Variants in CCSER1 observed in about 807,000 individuals in gnomAD.
CCSER1 encodes the protein serine-rich coiled-coil domain-containing protein 1.
CCSER1 carries 41 observed loss-of-function variants against 82.0 expected under a neutral mutation model. The observed-to-expected ratio is 0.50, with a 90% CI of 0.39 to 0.65. The LOEUF is 0.65. Among genes scored for constraint, CCSER1 ranks in the 30% least tolerant of loss-of-function variants. The probability of loss-of-function intolerance (pLI) is 0.00; values close to 1 mark genes in which losing one functional copy is unlikely to be tolerated. For missense variants in CCSER1, 1,119 were observed against 1,064.2 expected, an observed-to-expected ratio of 1.05 and a Z score of -0.72; for synonymous variants, 414 against 383.9, an observed-to-expected ratio of 1.08 and a Z score of -0.92.
intron 4 of CCSER1, among the ~76,000 whole-genome samples, chr4:90,439,492 C>G (rs976286428): frequency 6.6e-6 from 1 of 152,014 alleles, no homozygotes; most frequent in African/African-American, 2.4e-5. Flanking sequence ...CTAATATATC[C>G]CTACCCTAAT....
At chr4:90,845,812 A>AG (rs1763170278) in intron 8 of CCSER1, among the ~76,000 whole-genome samples, 1 of 151,894 alleles carries the variant, frequency 6.6e-6, no homozygotes, top group Non-Finnish European at 1.5e-5. Context: ...ACTGTGAAAA[A>AG]AAAAAAAACC....
intron 10 of CCSER1, among the ~76,000 whole-genome samples, chr4:91,198,185 CTTTCT>C (rs1735606887): frequency 6.6e-6 from 1 of 151,834 alleles, no homozygotes; most frequent in African/African-American, 2.4e-5. Flanking sequence ...CATTACTTTC[CTTTCT>C]TAAGCAGAGA....
At chr4:91,334,556 TCA>T (rs1025160362) in intron 10 of CCSER1, among the ~76,000 whole-genome samples, 14 of 151,688 alleles carry the variant, frequency 9.2e-5, no homozygotes, top group African/African-American at 3.4e-4. Context: ...ACACATTCAC[TCA>T]CACACACAGA....
At chr4:90,483,810 T>C (rs929631881) in intron 5 of CCSER1, among the ~76,000 whole-genome samples, 8 of 152,210 alleles carry the variant, frequency 5.3e-5, no homozygotes, top group African/African-American at 1.7e-4. Context: ...TTAACATTTT[T>C]TCCTTCATTT....
At chr4:90,952,538 A>G (rs1267008867) in intron 9 of CCSER1, among the ~76,000 whole-genome samples, 3 of 152,130 alleles carry the variant, frequency 2.0e-5, no homozygotes, top group Non-Finnish European at 4.4e-5. Context: ...GATTGATAAC[A>G]TAAAAATATT....
chr4:91,481,502 C>T (rs949890962), intron 10 of CCSER1, among the ~76,000 whole-genome samples: 2 of 152,108 alleles, frequency 1.3e-5, no homozygotes, highest in African/African-American at 4.8e-5. Flanking sequence ...CTTAAAGGCC[C>T]TATCTCCAAA....
At chr4:91,109,103 C>T (rs1725876775) in intron 10 of CCSER1, among the ~76,000 whole-genome samples, 1 of 152,142 alleles carries the variant, frequency 6.6e-6, no homozygotes, top group Admixed American at 6.5e-5. Context: ...ACACCCCCAC[C>T]CCATTCTTAG....
chr4:90,958,298 A>G (rs534337978), intron 9 of CCSER1, among the ~76,000 whole-genome samples: 15 of 152,300 alleles, frequency 9.8e-5, no homozygotes, highest in Admixed American at 5.2e-4. Context: ...ATAAGTAACT[A>G]GTTGTCTGCT....
intron 8 of CCSER1, among the ~76,000 whole-genome samples, chr4:90,833,982 C>A (rs1294158044): frequency 6.6e-6 from 1 of 152,164 alleles, no homozygotes; most frequent in East Asian, 1.9e-4. Flanking sequence ...GTGATGCATA[C>A]CAGATGCCAG....
At chr4:91,140,125 T>G (rs1175178138) in intron 10 of CCSER1, among the ~76,000 whole-genome samples, 1 of 151,930 alleles carries the variant, frequency 6.6e-6, no homozygotes, top group Non-Finnish European at 1.5e-5. Context: ...AAAGGTAGAG[T>G]GTATGAAATT....
chr4:91,357,716 T>G (rs1748941862), intron 10 of CCSER1, among the ~76,000 whole-genome samples: 1 of 152,012 alleles, frequency 6.6e-6, no homozygotes, highest in African/African-American at 2.4e-5. Flanking sequence ...TGCATACAAT[T>G]TTTATAACAT....
At chr4:90,802,410 A>G (rs1169072174) in intron 7 of CCSER1, among the ~76,000 whole-genome samples, 2 of 151,216 alleles carry the variant, frequency 1.3e-5, no homozygotes, top group Admixed American at 1.3e-4. Context: ...ATAGTATTTC[A>G]ATAGTATTCA....
At chr4:90,197,621 AT>A (rs1736857703) in intron 1 of CCSER1, among the ~76,000 whole-genome samples, 2 of 152,272 alleles carry the variant, frequency 1.3e-5, no homozygotes, top group South Asian at 4.1e-4. Context: ...AGATCCTGTC[AT>A]TTGCAACAAC....
intron 10 of CCSER1, among the ~76,000 whole-genome samples, chr4:91,594,972 C>T (rs753235497): frequency 2.0e-5 from 3 of 151,754 alleles, no homozygotes; most frequent in Non-Finnish European, 4.4e-5. Flanking sequence ...AGACTGAAGT[C>T]TTAATTTTTC....
rs576841206 is a variant in CCSER1 at position 90,835,860 on chromosome 4, T to C, written c.2094+20015T>C. Among the ~76,000 whole-genome samples the C allele has an allele frequency of 4.6e-5, 7 of 152,356 alleles. No individual in the cohort carries two copies. The East Asian group carries it at 1.2e-3, about 25-fold the overall frequency. ...TACAGAATCTCATGCCATTGTGAAA[T>C]GTTTGCCTTATGGACAACACAAGGT... On this transcript the variant is annotated intron_variant, in intron 8 of 10. Coordinates refer to ENST00000509176, the MANE Select transcript of CCSER1 (RefSeq NM_001145065.2).
intron 9 of CCSER1, among the ~76,000 whole-genome samples, chr4:91,048,144 T>C (rs1742675076): frequency 6.6e-6 from 1 of 152,054 alleles, no homozygotes; most frequent in Non-Finnish European, 1.5e-5. Flanking sequence ...TTATATTTCA[T>C]GAATATTAAT....
intron 10 of CCSER1, among the ~76,000 whole-genome samples, chr4:91,152,603 C>T (rs1440007632): frequency 1.3e-5 from 2 of 152,168 alleles, no homozygotes; most frequent in African/African-American, 4.8e-5. Context: ...GATGCAGTTT[C>T]TTCCTAGCAT....
At chr4:90,893,966 G>T (rs1231335958) in intron 8 of CCSER1, among the ~76,000 whole-genome samples, 1 of 151,678 alleles carries the variant, frequency 6.6e-6, no homozygotes, top group South Asian at 2.1e-4. Flanking sequence ...TAATATTGTT[G>T]TAGAGTTGAA....
At chr4:90,989,686 G>A (rs1288806271) in intron 9 of CCSER1, among the ~76,000 whole-genome samples, 1 of 151,770 alleles carries the variant, frequency 6.6e-6, no homozygotes, top group Non-Finnish European at 1.5e-5. Context: ...TAAAAATGGA[G>A]ATGTTTCCCA....
Sources: allele counts gnomAD v4.1 joint callset (sites outside exome capture counted in the v4.1 genomes callset), GRCh38; gene constraint gnomAD v4.1.1; transcripts MANE v1.5; gene names NCBI Gene and HGNC (gene_info 2026-07-23, HGNC 2026-07-21).